The following DAB1 variants were observed in gnomAD, a reference collection of about 807,000 sequenced individuals.
DAB1 encodes DAB adaptor protein 1.
DAB1 carries 15 observed loss-of-function variants against 64.6 expected under a neutral mutation model. The ratio of observed to expected loss-of-function variants is 0.23; its 90% confidence interval spans 0.16 to 0.36. The LOEUF (loss-of-function observed/expected upper bound fraction) is 0.36, where lower values mean the gene tolerates loss of function less well. Among genes scored for constraint, DAB1 ranks in the 10% least tolerant of loss-of-function variants. The pLI is 1.00. For missense variants in DAB1, 596 were observed against 706.7 expected, an observed-to-expected ratio of 0.84 and a Z score of 1.78; for synonymous variants, 235 against 251.9, an observed-to-expected ratio of 0.93 and a Z score of 0.64.
At chr1:57,094,256 G>T (rs1178942121) in intron 4 of DAB1, among the ~76,000 whole-genome samples, 2 of 151,936 alleles carry the variant, frequency 1.3e-5, no homozygotes, top group Admixed American at 6.5e-5. Flanking sequence ...TCTGCTACCA[G>T]CCAGGCACAT....
chr1:57,207,469 A>G (rs958279719), intron 2 of DAB1, among the ~76,000 whole-genome samples: 2 of 43,448 alleles, frequency 4.6e-5, no homozygotes, highest in African/African-American at 6.9e-5. Flanking sequence ...TTTGAGATGG[A>G]GTCTCGCTCT....
At chr1:57,449,201 T>C (rs181323465) in intron 7 of DAB1, among the ~76,000 whole-genome samples, 20 of 152,294 alleles carry the variant, frequency 1.3e-4, no homozygotes, top group Non-Finnish European at 2.4e-4. Context: ...AGAAATATGA[T>C]AGAACATGAA....
At chr1:57,564,567 C>T (rs1180469395) in intron 7 of DAB1, among the ~76,000 whole-genome samples, 1 of 152,112 alleles carries the variant, frequency 6.6e-6, no homozygotes, top group East Asian at 1.9e-4. Context: ...ACTAGAATAA[C>T]CAGTGTAGAG....
At chr1:58,009,033 G>A (rs914807336) in intron 5 of DAB1, among the ~76,000 whole-genome samples, 5 of 152,128 alleles carry the variant, frequency 3.3e-5, no homozygotes, top group Non-Finnish European at 7.4e-5. Context: ...TCTATTATGT[G>A]CTTATTTATC....
intron 7 of DAB1, among the ~76,000 whole-genome samples, chr1:57,431,143 C>CACACAAAA (rs749097562): frequency 1.0e-5 from 1 of 96,410 alleles, no homozygotes; most frequent in Non-Finnish European, 2.2e-5. Flanking sequence ...AGGCCAAAAA[C>CACACAAAA]AAAAAAAAAA....
intron 6 of DAB1, among the ~76,000 whole-genome samples, chr1:57,654,484 G>A (rs955999962): frequency 2.0e-5 from 3 of 152,116 alleles, no homozygotes; most frequent in Non-Finnish European, 4.4e-5. Flanking sequence ...ATATGTGGTG[G>A]TATATAGGGG....
intron 6 of DAB1, among the ~76,000 whole-genome samples, chr1:57,789,510 C>G (rs12140915): frequency 0.13 from 19,889 of 152,170 alleles, 1,656 homozygotes; most frequent in Admixed American, 0.18. Flanking sequence ...GGTGAGGACC[C>G]TCTTCATAGT....
chr1:57,709,581 ATAG>A (rs1329363820), intron 6 of DAB1, among the ~76,000 whole-genome samples: 10 of 152,248 alleles, frequency 6.6e-5, no homozygotes, highest in South Asian at 2.1e-4. Flanking sequence ...TGGAAGTTTA[ATAG>A]GTGAAAGAAA....
chr1:57,594,776 T>C (rs961949413), intron 7 of DAB1, among the ~76,000 whole-genome samples: 2 of 152,166 alleles, frequency 1.3e-5, no homozygotes, highest in African/African-American at 4.8e-5. Flanking sequence ...AGTGGCGCCA[T>C]CTCGGCTCAC....
intron 4 of DAB1, among the ~76,000 whole-genome samples, chr1:58,217,293 G>A (rs900019114): frequency 1.3e-5 from 2 of 152,152 alleles, no homozygotes; most frequent in East Asian, 1.9e-4. Flanking sequence ...AGGTGAGTAC[G>A]CAAGGGCCCA....
intron 7 of DAB1, among the ~76,000 whole-genome samples, chr1:57,612,546 T>C (rs1440540467): frequency 2.0e-5 from 3 of 152,022 alleles, no homozygotes; most frequent in Non-Finnish European, 4.4e-5. Context: ...GACTTGAACA[T>C]GGAGGAAGAG....
chr1:57,836,610 T>A (rs959662979), intron 1 of DAB1, among the ~76,000 whole-genome samples: 3 of 152,228 alleles, frequency 2.0e-5, no homozygotes, highest in African/African-American at 7.2e-5. Context: ...GAAATAAATT[T>A]CCCACCTATG....
chr1:57,303,834 C>T (rs1467139397), intron 1 of DAB1, among the ~76,000 whole-genome samples: 1 of 152,114 alleles, frequency 6.6e-6, no homozygotes, highest in African/African-American at 2.4e-5. Context: ...GTTAGAAAGT[C>T]ATACCCAGTG....
intron 5 of DAB1, among the ~76,000 whole-genome samples, chr1:57,944,563 T>C (rs180677135): frequency 3.8e-3 from 584 of 152,304 alleles, no homozygotes; most frequent in Admixed American, 6.7e-3. Context: ...TAAAGATATT[T>C]GAAAGCTACT....
At chr1:58,078,852 T>A (rs1268680494) in intron 5 of DAB1, among the ~76,000 whole-genome samples, 1 of 152,146 alleles carries the variant, frequency 6.6e-6, no homozygotes, top group Non-Finnish European at 1.5e-5. Flanking sequence ...TCATATCTGT[T>A]GTGGAGTTGA....
intron 2 of DAB1, among the ~76,000 whole-genome samples, chr1:57,154,986 G>A (rs111873183): frequency 2.0e-5 from 3 of 152,112 alleles, no homozygotes; most frequent in African/African-American, 7.2e-5. Context: ...TGTGGGTTAT[G>A]TCTTTACTTT....
At chr1:57,249,330 C>T (rs145778689) in intron 2 of DAB1, among the ~76,000 whole-genome samples, 2 of 152,244 alleles carry the variant, frequency 1.3e-5, no homozygotes, top group East Asian at 3.9e-4. Flanking sequence ...AACCCCCAAC[C>T]TCATAAAGCG....
chr1:57,066,658 T>C lies in DAB1; in HGVS notation c.663+2702A>G, dbSNP rs1433599580. Among the ~76,000 whole-genome samples, 10 of 152,294 alleles carry C rather than the reference T, an allele frequency of 6.6e-5. No individual in the cohort carries two copies. The South Asian group carries it at 1.2e-3, about 19-fold the overall frequency. ...GTTATGTTCTATTTCACTTAAAACA[T>C]GATCATAAGACATCTTCAACAGCAT... On this transcript the variant is annotated intron_variant, in intron 8 of 14. Coordinates refer to ENST00000371236, the MANE Select transcript of DAB1 (RefSeq NM_001365792.1).
chr1:57,975,763 G>C (rs1469697379), intron 5 of DAB1, among the ~76,000 whole-genome samples: 4 of 152,160 alleles, frequency 2.6e-5, no homozygotes, highest in Non-Finnish European at 5.9e-5. Flanking sequence ...ATGCACAGCA[G>C]GGTTGAAAAC....
Sources: gnomAD v4.1 joint callset for allele counts (sites outside exome capture counted in the v4.1 genomes callset) on GRCh38, gnomAD v4.1.1 for gene constraint, MANE v1.5 for transcripts, NCBI Gene and HGNC (gene_info 2026-07-23, HGNC 2026-07-21) for gene names.